Variants in GRM7 observed in about 807,000 individuals in gnomAD.
GRM7 encodes glutamate metabotropic receptor 7.
Under a neutral mutation model 84.5 loss-of-function variants are expected in GRM7, and 35 were observed. The ratio of observed to expected loss-of-function variants is 0.41; its 90% CI spans 0.32 to 0.55. The LOEUF is 0.55. Among genes scored for constraint, GRM7 ranks in the 20% least tolerant of loss-of-function variants. The probability of loss-of-function intolerance (pLI) is 0.19; values close to 1 mark genes in which losing one functional copy is unlikely to be tolerated. For synonymous variants in GRM7, 487 were observed against 455.1 expected, an observed-to-expected ratio of 1.07 and a Z score of -0.89; for missense variants, 1,003 against 1,194.6, an observed-to-expected ratio of 0.84 and a Z score of 2.36.
intron 1 of GRM7, among the ~76,000 whole-genome samples, chr3:7,043,234 G>T (rs375328986): frequency 1.2e-4 from 19 of 152,142 alleles, no homozygotes; most frequent in African/African-American, 3.9e-4. Context: ...ATATTGAAGC[G>T]GGGGGAGGGG....
At chr3:7,081,767 A>G (rs771231726) in intron 1 of GRM7, among the ~76,000 whole-genome samples, 2 of 152,124 alleles carry the variant, frequency 1.3e-5, no homozygotes, top group Non-Finnish European at 2.9e-5. Context: ...CAAATGATAA[A>G]TAAGTGAAAC....
chr3:7,329,918 A>G (rs1240361885), intron 4 of GRM7, among the ~76,000 whole-genome samples: 1 of 152,154 alleles, frequency 6.6e-6, no homozygotes. Context: ...AGTTGTGTAG[A>G]TGGCATATGG....
intron 1 of GRM7, among the ~76,000 whole-genome samples, chr3:7,074,134 T>G (rs1697983061): frequency 6.6e-6 from 1 of 152,206 alleles, no homozygotes; most frequent in Non-Finnish European, 1.5e-5. Context: ...CTAAATATTT[T>G]TCATGTGTTC....
intron 1 of GRM7, among the ~76,000 whole-genome samples, chr3:7,138,436 C>G (rs1396023285): frequency 6.6e-6 from 1 of 151,732 alleles, no homozygotes; most frequent in Non-Finnish European, 1.5e-5. Context: ...TTACATATTC[C>G]TCTTTCACAT....
chr3:7,682,176 A>T (rs1260228199), intron 9 of GRM7: 1 of 152,086 alleles, frequency 6.6e-6, no homozygotes, highest in African/African-American at 2.4e-5. Context: ...TCTCTACTAA[A>T]AATACAAAAT....
At chr3:7,257,902 G>T (rs1698267837) in intron 2 of GRM7, among the ~76,000 whole-genome samples, 1 of 152,114 alleles carries the variant, frequency 6.6e-6, no homozygotes, top group African/African-American at 2.4e-5. Flanking sequence ...TTAGCCTCAA[G>T]AAATTGCAGG....
chr3:7,546,810 G>C (rs537883467), intron 7 of GRM7, among the ~76,000 whole-genome samples: 134 of 152,106 alleles, frequency 8.8e-4, no homozygotes, highest in African/African-American at 3.1e-3. Context: ...TTAATAAATC[G>C]TGGTTCTGCT....
At chr3:7,261,870 A>C (rs1698434348) in intron 2 of GRM7, among the ~76,000 whole-genome samples, 1 of 107,724 alleles carries the variant, frequency 9.3e-6, no homozygotes, top group South Asian at 3.1e-4. Flanking sequence ...GCCGGATACA[A>C]AGTTCTCTGT....
At chr3:6,890,227 T>C (rs866642720) in intron 1 of GRM7, among the ~76,000 whole-genome samples, 2 of 152,192 alleles carry the variant, frequency 1.3e-5, no homozygotes, top group Admixed American at 6.5e-5. Context: ...GTGTCTCTAT[T>C]TCCTTCAGTT....
intron 4 of GRM7, among the ~76,000 whole-genome samples, chr3:7,342,623 T>A (rs1205003961): frequency 6.6e-6 from 1 of 152,156 alleles, no homozygotes; most frequent in Non-Finnish European, 1.5e-5. Context: ...ACCTACAGAA[T>A]GTTAAGTTAA....
At chr3:7,421,135 T>C (rs73115581) in intron 5 of GRM7, among the ~76,000 whole-genome samples, 6,491 of 152,254 alleles carry the variant, frequency 0.043, 436 homozygotes, top group African/African-American at 0.14. Context: ...TTTAAGTCAC[T>C]TAAATATGAA....
At chr3:6,975,502 G>A (rs914636975) in intron 1 of GRM7, among the ~76,000 whole-genome samples, 3 of 152,090 alleles carry the variant, frequency 2.0e-5, no homozygotes, top group Admixed American at 6.5e-5. Flanking sequence ...ACAAAATCAG[G>A]GCATGCACAT....
At chr3:7,730,024 A>G (rs896277577) in intron 9 of GRM7, among the ~76,000 whole-genome samples, 1 of 149,534 alleles carries the variant, frequency 6.7e-6, no homozygotes, top group Non-Finnish European at 1.5e-5. Context: ...GCAGGCGCCC[A>G]CCATCACACC....
chr3:7,353,572 T>G (rs1166640324), intron 4 of GRM7, among the ~76,000 whole-genome samples: 1 of 152,086 alleles, frequency 6.6e-6, no homozygotes, highest in Non-Finnish European at 1.5e-5. Context: ...AAGATTGGAA[T>G]TACAGTGTTG....
chr3:7,717,720 C>A (rs187608972), intron 9 of GRM7, among the ~76,000 whole-genome samples: 1 of 152,254 alleles, frequency 6.6e-6, no homozygotes, highest in Admixed American at 6.5e-5. Flanking sequence ...CAGTACTAGA[C>A]AGAAATGAGA....
At chr3:6,948,157 AT>A in intron 1 of GRM7, among the ~76,000 whole-genome samples, 1 of 142,962 alleles carries the variant, frequency 7.0e-6, no homozygotes, top group African/African-American at 2.6e-5. Context: ...TAGGGTGTCA[AT>A]TTTAGATCTT....
At chr3:6,890,691 A>C (rs531696747) in intron 1 of GRM7, among the ~76,000 whole-genome samples, 104 of 151,614 alleles carry the variant, frequency 6.9e-4, no homozygotes, top group Non-Finnish European at 1.2e-3. Context: ...TGTGGTGCTG[A>C]AAAAAATGTA....
At chr3:7,451,470 A>G (rs1243315032) in intron 5 of GRM7, among the ~76,000 whole-genome samples, 1 of 152,212 alleles carries the variant, frequency 6.6e-6, no homozygotes, top group Non-Finnish European at 1.5e-5. Flanking sequence ...TCTCCCTGGC[A>G]AAGTAAACAG....
At chr3:7,661,240 C>G (rs754511554) in intron 8 of GRM7, among the ~76,000 whole-genome samples, 1 of 152,122 alleles carries the variant, frequency 6.6e-6, no homozygotes, top group Non-Finnish European at 1.5e-5. Context: ...TCAAAAAACC[C>G]TCAAATTTTA....
Sources: allele counts gnomAD v4.1 joint callset (sites outside exome capture counted in the v4.1 genomes callset), GRCh38; gene constraint gnomAD v4.1.1; transcripts MANE v1.5; gene names NCBI Gene and HGNC (gene_info 2026-07-23, HGNC 2026-07-21).